The following SHISAL1 variants were observed in gnomAD, a reference collection of about 807,000 sequenced individuals.
SHISAL1 encodes protein shisa-like-1.
A neutral mutation model predicts 22.6 loss-of-function variants in SHISAL1; 9 were observed. That is an observed-to-expected ratio of 0.40 (90% CI 0.24 to 0.70). The LOEUF is 0.70. SHISAL1 is among the 30% of genes least tolerant of loss of function. The pLI, the probability that SHISAL1 is intolerant of heterozygous loss-of-function variation, is 0.39. For synonymous variants in SHISAL1, 119 were observed against 115.4 expected (o/e 1.03, Z -0.20); for missense variants, 246 against 270.6 (o/e 0.91, Z 0.64).
rs1350777002 is a variant in SHISAL1, at chr22:44,269,923, G to A, written c.599+15505C>T. On this transcript the variant is annotated intron_variant, in intron 4 of 4. Coordinates refer to ENST00000381176, the MANE Select transcript of SHISAL1 (RefSeq NM_001099294.2). Reference sequence around the variant, plus strand: ...CCTTCCTGGTCAGCAGCAACACCACGTGTCTCTTGGGTCAGACCTCTGAGT... The same window carrying A: ...CCTTCCTGGTCAGCAGCAACACCACATGTCTCTTGGGTCAGACCTCTGAGT... Among the ~76,000 whole-genome samples, 6 of 152,180 alleles carry A rather than the reference G, an allele frequency of 3.9e-5. 1 individual carries two copies. The highest frequency in any genetic ancestry group is 1.2e-4 in the African/African-American group (5 of 41,438).
intron 4 of SHISAL1, among the ~76,000 whole-genome samples, chr22:44,254,810 C>A (rs541784636): frequency 6.6e-6 from 1 of 151,840 alleles, no homozygotes; most frequent in Non-Finnish European, 1.5e-5. Flanking sequence ...GTGGAGGTGA[C>A]AGCTTGGAAT....
chr22:44,300,815 A>C (rs2055422746), intron 2 of SHISAL1, 64 bp downstream of exon 2: 3 of 1,415,688 alleles, frequency 2.1e-6, no homozygotes, highest in African/African-American at 1.4e-5. Context: ...GGCCAGCACG[A>C]ATCTCAGGAA....
At chr22:44,268,897 C>T (rs56734497) in intron 4 of SHISAL1, among the ~76,000 whole-genome samples, 5,239 of 152,142 alleles carry the variant, frequency 0.034, 322 homozygotes, top group African/African-American at 0.12. Flanking sequence ...TGTCCTTTGC[C>T]TCCAGGGCTG....
intron 3 of SHISAL1, among the ~76,000 whole-genome samples, chr22:44,292,982 T>C (rs1427647902): frequency 6.6e-6 from 1 of 152,318 alleles, no homozygotes; most frequent in East Asian, 1.9e-4. Flanking sequence ...CAGGGACGCT[T>C]GATGGCCTCA....
At chr22:44,259,628 G>A (rs2055108652) in intron 4 of SHISAL1, among the ~76,000 whole-genome samples, 1 of 152,056 alleles carries the variant, frequency 6.6e-6, no homozygotes, top group Non-Finnish European at 1.5e-5. Context: ...GTGGGGATGG[G>A]CAGACATTCT....
At chr22:44,258,476 C>T (rs540209315) in intron 4 of SHISAL1, among the ~76,000 whole-genome samples, 8 of 152,276 alleles carry the variant, frequency 5.3e-5, no homozygotes, top group South Asian at 4.2e-4. Context: ...TCCCACCTTC[C>T]GGCCTCCAGT....
intron 4 of SHISAL1, among the ~76,000 whole-genome samples, chr22:44,263,314 G>T (rs1193455657): frequency 2.0e-5 from 3 of 151,964 alleles, no homozygotes; most frequent in African/African-American, 7.2e-5. Flanking sequence ...CAGGTGATCT[G>T]CCCACCTTGG....
rs1277246949 is a variant in SHISAL1, at chr22:44,244,065, TTGAC to T, written c.*5616_*5619del. 1 of 152,202 alleles carries T rather than the reference TTGAC, an allele frequency of 6.6e-6. No homozygotes were observed. The highest frequency in any genetic ancestry group is 2.4e-5 in the African/African-American group (1 of 41,424). 9.4% of individuals were successfully genotyped at this position (152,202 alleles called of 1,614,324 possible). A position where few individuals can be genotyped will look rare whatever the true frequency, so the allele number is the denominator to read the frequency against. On this transcript the variant is annotated 3_prime_UTR_variant, in exon 5 of 5. Transcript: ENST00000381176. ...GTCGAGACACTGACCACTTGGTTATTTGACTGTGAGGTATGCCACTAGCTTTAAA... is the reference window on the plus strand; with the variant it reads ...GTCGAGACACTGACCACTTGGTTATTTGTGAGGTATGCCACTAGCTTTAAA...
chr22:44,293,036 C>T (rs529775755), intron 3 of SHISAL1, among the ~76,000 whole-genome samples: 3 of 152,264 alleles, frequency 2.0e-5, no homozygotes, highest in African/African-American at 4.8e-5. Flanking sequence ...GACAGGGCCC[C>T]GGACCCCCTG....
chr22:44,299,970 A>G (rs2055415258), intron 2 of SHISAL1, among the ~76,000 whole-genome samples: 1 of 151,730 alleles, frequency 6.6e-6, no homozygotes, highest in Non-Finnish European at 1.5e-5. Flanking sequence ...ACACAGAGAC[A>G]TAGACAGAGA....
At position 44,301,125 on chromosome 22, in the gene SHISAL1, C is replaced by T. The variant is rs1019887685; in HGVS notation, c.-32-148G>A. 6.7e-5 allele frequency: 38 copies of T among 563,918 alleles called. No individual in the cohort carries two copies. In the East Asian group the frequency reaches 7.2e-4, roughly 11 times the overall value. 34.9% of individuals were successfully genotyped at this position (563,918 alleles called of 1,614,324 possible). On this transcript the variant is annotated intron_variant, in intron 1 of 4. Transcript: ENST00000381176. Reference sequence around the variant, plus strand: ...GGCCGGGTGCGGACGATGGAGATGCCGCCATCCAATTTCCTTTCTGGAATG... The same window carrying T: ...GGCCGGGTGCGGACGATGGAGATGCTGCCATCCAATTTCCTTTCTGGAATG...
the SHISAL1 span, among the ~76,000 whole-genome samples, chr22:44,325,758 T>A: frequency 6.6e-6 from 1 of 152,024 alleles, no homozygotes; most frequent in African/African-American, 2.4e-5. Context: ...AAAAGCCACA[T>A]GTCCAGCCAG....
chr22:44,267,350 A>T lies in SHISAL1; in HGVS notation c.*-17665T>A, dbSNP rs180968862. 1.1e-3 allele frequency among the ~76,000 whole-genome samples: 168 copies of T among 151,978 alleles called. 2 individuals are homozygous for T. Among genetic ancestry groups the T allele is most frequent in the Middle Eastern group, 0.01 (3 of 294 alleles). The stretch of plus-strand genomic sequence containing the variant: ...CCGCCCCAAGGTCCCCATCTTGGAA[A>T]ATCTCCCAGGCTACTCAGCCCAGGT... On this transcript the variant is annotated intron_variant, in intron 4 of 4. Transcript: ENST00000381176.
intron 4 of SHISAL1, among the ~76,000 whole-genome samples, chr22:44,257,917 G>A (rs146424093): frequency 5.4e-4 from 82 of 152,270 alleles, no homozygotes; most frequent in Middle Eastern, 3.4e-3. Flanking sequence ...CGAGGTGGGC[G>A]GATCACCAGG....
chr22:44,331,053 C>G, the SHISAL1 span, among the ~76,000 whole-genome samples: 144 of 152,252 alleles, frequency 9.5e-4, no homozygotes, highest in Non-Finnish European at 1.6e-3. This position sits in a 1 kb window ranked among gnomAD's most constrained non-coding sequence, Gnocchi z 5.2. Flanking sequence ...TTCTTGGAAG[C>G]CAGTCCCCCC....
intron 4 of SHISAL1, among the ~76,000 whole-genome samples, chr22:44,267,564 C>T (rs2055173035): frequency 6.6e-6 from 1 of 152,164 alleles, no homozygotes; most frequent in Non-Finnish European, 1.5e-5. Flanking sequence ...TTCCCAAAGG[C>T]AAATGCGTCC....
intron 4 of SHISAL1, among the ~76,000 whole-genome samples, chr22:44,269,010 T>C (rs1044772757): frequency 3.3e-5 from 5 of 152,054 alleles, no homozygotes; most frequent in African/African-American, 9.7e-5. Context: ...CCAGCTTCCA[T>C]GCATTCTGCA....
At chr22:44,264,913 G>C (rs2055151307) in intron 4 of SHISAL1, among the ~76,000 whole-genome samples, 1 of 151,820 alleles carries the variant, frequency 6.6e-6, no homozygotes. Flanking sequence ...AGAGCCCCCA[G>C]CAATTCACAA....
chr22:44,285,729 A>G lies in SHISAL1; in HGVS notation c.298T>C (p.Leu100=), dbSNP rs561822494. 1.2e-6 allele frequency: 2 copies of G among 1,612,398 alleles called. No individual in the cohort carries two copies. The highest frequency in any genetic ancestry group is 1.7e-5 in the Admixed American group (1 of 59,988). The stretch of plus-strand genomic sequence containing the variant: ...AAAAATCCATAGATCCACACTCCCA[A>G]CAAGGCGGTGTAATTGCTGCGAACA... The part of the protein sequence containing the change: ...GYMHNNYTAL[L]GVWIYGFFVL... The change falls in exon 4 of 5, where the codon TTG becomes CTG. Residue 100 remains leucine (L), a synonymous_variant. Transcript: ENST00000381176.
Sources: allele counts gnomAD v4.1 joint callset (sites outside exome capture counted in the v4.1 genomes callset), GRCh38; gene constraint gnomAD v4.1.1; non-coding constraint Gnocchi (gnomAD v3.1); transcripts MANE v1.5; gene names NCBI Gene and HGNC (gene_info 2026-07-23, HGNC 2026-07-21).